CCSER1: variants seen among roughly 807,000 people sequenced by gnomAD.
CCSER1 encodes serine-rich coiled-coil domain-containing protein 1.
CCSER1 carries 41 observed loss-of-function variants against 82.0 expected under a neutral mutation model. The ratio of observed to expected loss-of-function variants is 0.50; its 90% CI spans 0.39 to 0.65. The LOEUF (loss-of-function observed/expected upper bound fraction) is 0.65, where lower values mean the gene tolerates loss of function less well. Among genes scored for constraint, CCSER1 ranks in the 30% least tolerant of loss-of-function variants. CCSER1 has a pLI of 0.00. For synonymous variants in CCSER1, 414 were observed against 383.9 expected (o/e 1.08, Z -0.92); for missense variants, 1,119 against 1,064.2 (o/e 1.05, Z -0.72).
chr4:90,646,711 G>A (rs1055705460), intron 6 of CCSER1, among the ~76,000 whole-genome samples: 1 of 152,114 alleles, frequency 6.6e-6, no homozygotes, highest in Non-Finnish European at 1.5e-5. Flanking sequence ...TTTCCTGTGT[G>A]TGAATTTAAT....
chr4:90,235,326 G>A (rs966361947), intron 1 of CCSER1: 1 of 152,204 alleles, frequency 6.6e-6, no homozygotes, highest in African/African-American at 2.4e-5. Context: ...TGAAGCCTGG[G>A]ATAGAAGACA....
intron 3 of CCSER1, among the ~76,000 whole-genome samples, chr4:90,362,205 A>G (rs1470876651): frequency 6.6e-6 from 1 of 152,212 alleles, no homozygotes; most frequent in African/African-American, 2.4e-5. Context: ...AAATTATTTC[A>G]TGAAATTTAA....
At chr4:90,905,453 C>G (rs1725333312) in intron 8 of CCSER1, among the ~76,000 whole-genome samples, 1 of 151,926 alleles carries the variant, frequency 6.6e-6, no homozygotes, top group African/African-American at 2.4e-5. Flanking sequence ...TCCAGTTTTT[C>G]TTTCTGAAAC....
At chr4:91,362,914 C>G (rs1749346167) in intron 10 of CCSER1, among the ~76,000 whole-genome samples, 2 of 151,686 alleles carry the variant, frequency 1.3e-5, no homozygotes, top group Non-Finnish European at 3.0e-5. Context: ...TGTACATGTA[C>G]CACTCCTTGA....
At chr4:91,353,047 CGAT>C (rs1748581348) in intron 10 of CCSER1, among the ~76,000 whole-genome samples, 1 of 152,106 alleles carries the variant, frequency 6.6e-6, no homozygotes, top group African/African-American at 2.4e-5. Context: ...GAGAAGGAAT[CGAT>C]GTGAAAACCT....
At chr4:90,538,892 T>G (rs1043626683) in intron 5 of CCSER1, among the ~76,000 whole-genome samples, 1 of 152,030 alleles carries the variant, frequency 6.6e-6, no homozygotes, top group Non-Finnish European at 1.5e-5. Context: ...TTTTTCCAGT[T>G]TTTGCATTAT....
intron 4 of CCSER1, among the ~76,000 whole-genome samples, chr4:90,439,664 G>C (rs1483787145): frequency 6.6e-6 from 1 of 152,058 alleles, no homozygotes; most frequent in African/African-American, 2.4e-5. Context: ...AGTAACTTCT[G>C]CTTCAGTATT....
chr4:90,638,158 T>C (rs1342186900), intron 6 of CCSER1, among the ~76,000 whole-genome samples: 1 of 152,198 alleles, frequency 6.6e-6, no homozygotes, highest in Non-Finnish European at 1.5e-5. Context: ...AGGCATCTTC[T>C]GTGTGAGTGA....
At chr4:91,296,483 A>ATATATATATATATATATTTATTTATT (rs1175690764) in intron 10 of CCSER1, among the ~76,000 whole-genome samples, 47 of 124,016 alleles carry the variant, frequency 3.8e-4, no homozygotes, top group African/African-American at 7.5e-4. Context: ...ATATATATAT[A>ATATATATATATATATATTTATTTATT]TATTTTAATT....
At position 90,897,884 on chromosome 4, in the gene CCSER1, CAT is replaced by C. The variant is rs563376316; in HGVS notation, c.2095-25483_2095-25482del. 4.6e-5 allele frequency among the ~76,000 whole-genome samples: 7 copies of C among 151,990 alleles called. No individual in the cohort carries two copies. In the East Asian group the frequency reaches 5.8e-4, roughly 13 times the overall value. On this transcript the variant is annotated intron_variant, in intron 8 of 10. Coordinates refer to ENST00000509176, the MANE Select transcript of CCSER1 (RefSeq NM_001145065.2). The stretch of plus-strand genomic sequence containing the variant: ...TGATTAGTGATGTTGAAGGTTTTTT[CAT>C]ATGTTTGTTGGCAACTTGTATGTTT...
At chr4:90,941,001 A>G (rs369599017) in intron 9 of CCSER1, among the ~76,000 whole-genome samples, 1 of 152,148 alleles carries the variant, frequency 6.6e-6, no homozygotes, top group Non-Finnish European at 1.5e-5. Flanking sequence ...TGTATTATGT[A>G]TACATAATAT....
intron 10 of CCSER1, among the ~76,000 whole-genome samples, chr4:91,178,983 CA>C (rs201161367): frequency 0.015 from 2,263 of 152,216 alleles, 48 homozygotes; most frequent in African/African-American, 0.05. Flanking sequence ...GGAGCTCTTG[CA>C]AGGCAGGCCT....
intron 7 of CCSER1, among the ~76,000 whole-genome samples, chr4:90,795,977 G>A (rs1755952000): frequency 6.7e-6 from 1 of 149,796 alleles, no homozygotes; most frequent in Non-Finnish European, 1.5e-5. Context: ...TCTCTGCCAG[G>A]TTTTGGTGTC....
intron 6 of CCSER1, among the ~76,000 whole-genome samples, chr4:90,696,833 T>C (rs1343016865): frequency 6.6e-6 from 1 of 152,124 alleles, no homozygotes; most frequent in Non-Finnish European, 1.5e-5. Context: ...CATAATTAGA[T>C]ACCTGTGGAG....
In CCSER1 at chr4:91,511,043, A is replaced by C. The variant is rs954243368; in HGVS notation, c.2218-87529A>C. Among the ~76,000 whole-genome samples the C allele has an allele frequency of 4.2e-4, 64 of 152,134 alleles. 3 individuals carry two copies. ...AAGGGATCCAGCCTCTTTCTTCTGC[A>C]TATGGTTGGTCAGTTACTGCAGCAA... On this transcript the variant is annotated intron_variant, in intron 10 of 10. Transcript: ENST00000509176.
chr4:91,534,711 G>A (rs1016653750), intron 10 of CCSER1, among the ~76,000 whole-genome samples: 23 of 151,856 alleles, frequency 1.5e-4, no homozygotes, highest in African/African-American at 5.6e-4. Context: ...TTTTATGTGT[G>A]ATTGACATAT....
intron 9 of CCSER1, chr4:90,923,665 A>T (rs1728698171): frequency 4.7e-6 from 2 of 425,788 alleles, no homozygotes; most frequent in Non-Finnish European, 8.5e-6. Flanking sequence ...TAATTTTTTT[A>T]CATCAACAAT....
intron 10 of CCSER1, among the ~76,000 whole-genome samples, chr4:91,166,743 A>C (rs1164384630): frequency 6.6e-6 from 1 of 152,194 alleles, no homozygotes; most frequent in Admixed American, 6.5e-5. Context: ...TTTAACCACA[A>C]AACTAGCTCC....
chr4:91,441,498 A>C (rs1578464842), intron 10 of CCSER1, among the ~76,000 whole-genome samples: 1 of 152,100 alleles, frequency 6.6e-6, no homozygotes, highest in East Asian at 1.9e-4. Context: ...TCTATGACAA[A>C]CTCACAGCCA....
Sources: allele counts gnomAD v4.1 joint callset (sites outside exome capture counted in the v4.1 genomes callset), GRCh38; gene constraint gnomAD v4.1.1; transcripts MANE v1.5; gene names NCBI Gene and HGNC (gene_info 2026-07-23, HGNC 2026-07-21).